Variants in NBPF26 observed in about 807,000 individuals in gnomAD.
The protein encoded by NBPF26 is NBPF family member NBPF26.
A neutral mutation model predicts 119.6 loss-of-function variants in NBPF26; 79 were observed. The observed-to-expected ratio is 0.66, with a 90% CI of 0.55 to 0.80. The LOEUF (loss-of-function observed/expected upper bound fraction) is 0.80, where lower values mean the gene tolerates loss of function less well. NBPF26 is among the 30% of genes least tolerant of loss of function. The probability of loss-of-function intolerance (pLI) is 0.00; values close to 1 mark genes in which losing one functional copy is unlikely to be tolerated. For synonymous variants in NBPF26, 299 were observed against 457.7 expected (o/e 0.65, Z 4.43); for missense variants, 800 against 1,198.2 (o/e 0.67, Z 4.91).
intron 11 of NBPF26, among the ~76,000 whole-genome samples, 164 bp from the exon 12 acceptor site, chr1:120,814,665 C>A (rs1237751726): frequency 8.1e-6 from 1 of 123,328 alleles, no homozygotes; most frequent in Non-Finnish European, 1.7e-5. Flanking sequence ...GCCTGTAAAC[C>A]ATTTTCTATT....
rs1238261956 is a variant in NBPF26 at position 120,726,936 on chromosome 1, A to G, written c.73+2686A>G. Among the ~76,000 whole-genome samples the G allele has an allele frequency of 1.7e-5, 2 of 116,192 alleles. 1 individual carries two copies. The highest frequency in any genetic ancestry group is 1.0e-4 in the African/African-American group (2 of 19,644). 76.2% of individuals were successfully genotyped at this position (116,192 alleles called of 152,430 possible). A position where few individuals can be genotyped will look rare whatever the true frequency, so the allele number is the denominator to read the frequency against. On this transcript the variant is annotated intron_variant, in intron 1 of 29. Coordinates refer to ENST00000620612, the Ensembl canonical transcript of NBPF26. ...GCAACTTTTGGTTCACCTGGATTGT[A>G]GTTGCTGACTTCAAGACCTTTAGAG...
Position 120,805,569 on chromosome 1 carries a change from C to T in NBPF26, c.765C>T (p.Thr255=). The T allele has an allele frequency of 2.1e-6, 3 of 1,432,372 alleles. 1 individual carries two copies. The highest frequency in any genetic ancestry group is 2.8e-6 in the Non-Finnish European group (3 of 1,054,892). The allele number at this position is 1,432,372 out of a possible 1,614,324, so 88.7% of individuals were successfully genotyped here. Residue 255 remains threonine, a synonymous_variant, in exon 5 of 30, where the codon ACC becomes ACT. Coordinates refer to ENST00000620612, the Ensembl canonical transcript of NBPF26. ...TCTTCTCCCCAGTCCCTGACTCCAC[C>T]TCTTCTGCCACAAACGTCAGCATGG...
rs1384302880 is a variant in NBPF26, at chr1:120,743,747, G to A, written c.73+19497G>A. On this transcript the variant is annotated intron_variant, in intron 1 of 29. Transcript: ENST00000620612. ...CTAATGTAGAGTTTGAAAAAACACC[G>A]TAAGCCTGCATTCCAGAAGTTCTGG... 1.1e-4 allele frequency among the ~76,000 whole-genome samples: 13 copies of A among 120,184 alleles called. No homozygotes were observed. The South Asian group carries it at 2.0e-3, about 18-fold the overall frequency. 78.8% of individuals were successfully genotyped at this position (120,184 alleles called of 152,430 possible). A position where few individuals can be genotyped will look rare whatever the true frequency, so the allele number is the denominator to read the frequency against.
intron 1 of NBPF26, among the ~76,000 whole-genome samples, chr1:120,758,201 A>T (rs1340799173): frequency 8.2e-6 from 1 of 122,696 alleles, no homozygotes; most frequent in African/African-American, 4.1e-5. Context: ...CTGGGCAGGT[A>T]AGGTAAGCTC....
At chr1:120,833,379 G>A (rs1360930884) in intron 23 of NBPF26, among the ~76,000 whole-genome samples, 1 of 73,364 alleles carries the variant, frequency 1.4e-5, no homozygotes, top group Non-Finnish European at 2.3e-5. Context: ...CTCTGTCTCT[G>A]TCTCTCTCTC....
At position 120,823,379 on chromosome 1, in the gene NBPF26, G is replaced by T; in HGVS notation, c.2639+19G>T. 1 of 1,304,890 alleles carries T rather than the reference G, an allele frequency of 7.7e-7. No individual in the cohort carries two copies. The highest frequency in any genetic ancestry group is 1.0e-6 in the Non-Finnish European group (1 of 962,640). The allele number at this position is 1,304,890 out of a possible 1,614,324, so 80.8% of individuals were successfully genotyped here. On this transcript the variant is annotated intron_variant, in intron 17 of 29. Transcript: ENST00000620612. ...GTCCCAGGTGAGTCTGAGAAATTGT[G>T]GACAGTTAATTTGATGTTGACACCT...
At position 120,814,774 on chromosome 1, in the gene NBPF26, G is replaced by T; in HGVS notation, c.1878-55G>T. The T allele has an allele frequency of 4.6e-6, 5 of 1,086,910 alleles. 1 individual carries two copies. The highest frequency in any genetic ancestry group is 1.3e-5 in the South Asian group (1 of 77,052). The allele number at this position is 1,086,910 out of a possible 1,614,324, so 67.3% of individuals were successfully genotyped here. A position where few individuals can be genotyped will look rare whatever the true frequency, so the allele number is the denominator to read the frequency against. On this transcript the variant is annotated intron_variant, in intron 11 of 29. Transcript: ENST00000620612. ...CTCAGAAATCTCTGTTGCAATATTT[G>T]AGCGGATCACTCAACCCTTTCTACT... is the stretch of plus-strand genomic sequence containing the variant.
In NBPF26 at chr1:120,807,658, A is replaced by T. The variant is rs1197194542; in HGVS notation, c.1013A>T (p.Gln338Leu). Residue 338 changes from glutamine to leucine, a missense_variant, in exon 6 of 30, where the codon CAG becomes CTG. Physicochemically the swap from Gln to Leu is moderately radical, Grantham distance 113 (BLOSUM62 -2). Coordinates refer to ENST00000620612, the Ensembl canonical transcript of NBPF26. ...AAATTTATGCTGAGGAATGAGCGACAGTTCAAGGAGGAGAAGCTTGCAGAG... is the reference window on the plus strand; with the variant it reads ...AAATTTATGCTGAGGAATGAGCGACTGTTCAAGGAGGAGAAGCTTGCAGAG... 68 of 1,463,898 alleles carry T rather than the reference A, an allele frequency of 4.6e-5. 1 individual carries two copies. The South Asian group carries it at 7.7e-4, about 17-fold the overall frequency. 90.7% of individuals were successfully genotyped at this position (1,463,898 alleles called of 1,614,324 possible).
chr1:120,763,414 A>G (rs1651154295), intron 1 of NBPF26, among the ~76,000 whole-genome samples: 1 of 108,172 alleles, frequency 9.2e-6, no homozygotes. Context: ...AAATAAGAGC[A>G]TCATTCAAGA....
chr1:120,840,549 A>T (rs1553273563), exon 30 of NBPF26: 1 of 1,467,386 alleles, frequency 6.8e-7, no homozygotes, highest in Non-Finnish European at 9.2e-7. Context: ...GACGGTGACA[A>T]GTCTCCACCT....
chr1:120,807,082 G>C (rs1435406066), intron 5 of NBPF26, among the ~76,000 whole-genome samples: 2 of 130,964 alleles, frequency 1.5e-5, no homozygotes, highest in Non-Finnish European at 3.2e-5. Flanking sequence ...ATTGTCTTAT[G>C]TCTCACACTT....
downstream of NBPF26, chr1:120,840,887 A>G: frequency 2.1e-6 from 1 of 467,612 alleles, no homozygotes. Context: ...TTCCTCAGGG[A>G]TGTCATTTTG....
intron 16 of NBPF26, among the ~76,000 whole-genome samples, chr1:120,823,029 T>C (rs1571044244): frequency 8.1e-6 from 1 of 123,604 alleles, no homozygotes; most frequent in East Asian, 2.0e-4. Flanking sequence ...GCCTACAATT[T>C]ATTGGGGAAA....
chr1:120,724,736 A>T lies in NBPF26; in HGVS notation c.73+486A>T. On this transcript the variant is annotated intron_variant, in intron 1 of 29. Coordinates refer to ENST00000620612, the Ensembl canonical transcript of NBPF26. ...AGCCTCGCCTTTGCCAGGGGGCGGC[A>T]CATGGGCCGGGTGTGTGGGCTTGGT... Among the ~76,000 whole-genome samples, 2 of 121,780 alleles carry T rather than the reference A, an allele frequency of 1.6e-5. 1 individual carries two copies. The highest frequency in any genetic ancestry group is 3.3e-5 in the Non-Finnish European group (2 of 60,546). The allele number at this position is 121,780 out of a possible 152,430, so 79.9% of individuals were successfully genotyped here.
rs1432751300 is a variant in NBPF26, at chr1:120,801,871, A to G, written c.752-3685A>G. 3.6e-4 allele frequency among the ~76,000 whole-genome samples: 37 copies of G among 102,396 alleles called. 7 individuals are homozygous for G. The South Asian group carries it at 6.7e-3, about 18-fold the overall frequency. 67.2% of individuals were successfully genotyped at this position (102,396 alleles called of 152,430 possible). On this transcript the variant is annotated intron_variant, in intron 4 of 29. Coordinates refer to ENST00000620612, the Ensembl canonical transcript of NBPF26. ...AAAAAAGGCATCTCACTTTAATAGT[A>G]AGAGGCCAGAATATGATGCTGGTAG...
intron 6 of NBPF26, among the ~76,000 whole-genome samples, chr1:120,808,164 C>A (rs1230041768): frequency 1.7e-5 from 2 of 118,420 alleles, no homozygotes; most frequent in African/African-American, 4.1e-5. Context: ...CTGCACCTGG[C>A]CTCATTTCTG....
chr1:120,793,321 C>G lies in NBPF26; in HGVS notation c.576C>G (p.Cys192Trp). 4.3e-6 allele frequency: 6 copies of G among 1,405,698 alleles called. 1 individual carries two copies. The highest frequency in any genetic ancestry group is 5.7e-6 in the Non-Finnish European group (6 of 1,047,612). The allele number at this position is 1,405,698 out of a possible 1,614,324, so 87.1% of individuals were successfully genotyped here. The change falls in exon 4 of 30, where the codon TGC becomes TGG. Residue 192 changes from cysteine (C) to tryptophan (W), a missense_variant. By Grantham distance (215) the Cys-to-Trp change is radical. This residue lies in a region of NBPF26 where 209 missense variants were observed against 285.2 expected (regional missense o/e 0.73). Transcript: ENST00000620612. ...ATGAGTGTGACATTCCAGGACACTG[C>G]CAGCATGGTGGCACCTGCCTCAACC...
chr1:120,813,875 G>GTC lies in NBPF26; in HGVS notation c.1775-14_1775-13dup. On this transcript the variant is annotated splice_polypyrimidine_tract_variant and intron_variant, in intron 10 of 29. Coordinates refer to ENST00000620612, the Ensembl canonical transcript of NBPF26. ...TCCAGCCTTCCACTGAGGCAGGTGT[G>GTC]TCTGTCTTTTCTCAGAATATGAAGA... The GTC allele has an allele frequency of 6.8e-7, 1 of 1,463,628 alleles. No individual in the cohort carries two copies. 90.7% of individuals were successfully genotyped at this position (1,463,628 alleles called of 1,614,324 possible).
rs1651459788 is a variant in NBPF26 at position 120,789,500 on chromosome 1, C to T, written c.416-3661C>T. Among the ~76,000 whole-genome samples the T allele has an allele frequency of 1.8e-5, 2 of 113,702 alleles. 1 individual carries two copies. The highest frequency in any genetic ancestry group is 1.1e-4 in the African/African-American group (2 of 18,720). 74.6% of individuals were successfully genotyped at this position (113,702 alleles called of 152,430 possible). A position where few individuals can be genotyped will look rare whatever the true frequency, so the allele number is the denominator to read the frequency against. On this transcript the variant is annotated intron_variant, in intron 3 of 29. Coordinates refer to ENST00000620612, the Ensembl canonical transcript of NBPF26. ...AGAGAAAATTAGGAAGAAGCAAAAG[C>T]AGAACCCCTGAGGAACCCATCAGAT...
Sources: gnomAD v4.1 joint callset for allele counts (sites outside exome capture counted in the v4.1 genomes callset) on GRCh38, gnomAD v4.1.1 for gene constraint, gnomAD v4.1.1 regional missense constraint, MANE v1.5 for transcripts, NCBI Gene and HGNC (gene_info 2026-07-23, HGNC 2026-07-21) for gene names.